The following SEMA6D variants were observed in gnomAD, a reference collection of about 807,000 sequenced individuals.
SEMA6D encodes the protein semaphorin 6D, also known as semaphorin-6D.
A neutral mutation model predicts 106.6 loss-of-function variants in SEMA6D; 35 were observed. The ratio of observed to expected loss-of-function variants is 0.33; its 90% CI spans 0.25 to 0.44. The LOEUF (loss-of-function observed/expected upper bound fraction) is 0.44. Ranked by LOEUF, SEMA6D falls within the 20% of genes least tolerant of loss-of-function variation. The pLI, the probability that SEMA6D is intolerant of heterozygous loss-of-function variation, is 1.00. For synonymous variants in SEMA6D, 499 were observed against 487.7 expected (o/e 1.02, Z -0.31); for missense variants, 1,185 against 1,345.9 (o/e 0.88, Z 1.87).
chr15:47,615,007 A>G (rs2076980652), intron 4 of SEMA6D, among the ~76,000 whole-genome samples: 1 of 152,184 alleles, frequency 6.6e-6, no homozygotes, highest in Admixed American at 6.5e-5. Flanking sequence ...AGGCCCTAGT[A>G]TGTGCCAACC....
chr15:47,513,946 C>T (rs2044309733), intron 3 of SEMA6D, among the ~76,000 whole-genome samples: 1 of 152,212 alleles, frequency 6.6e-6, no homozygotes. Flanking sequence ...GACTCCAAGT[C>T]GTTGACCATT....
At chr15:47,285,491 G>A (rs1465076127) in intron 1 of SEMA6D, among the ~76,000 whole-genome samples, 1 of 151,934 alleles carries the variant, frequency 6.6e-6, no homozygotes, top group Non-Finnish European at 1.5e-5. Flanking sequence ...AAAAAAAAAG[G>A]GAAGGAGAAA....
chr15:47,644,001 C>T (rs897404730), intron 4 of SEMA6D, among the ~76,000 whole-genome samples: 1 of 152,154 alleles, frequency 6.6e-6, no homozygotes, highest in South Asian at 2.1e-4. Context: ...TGAGTGAGAA[C>T]AGCCAATTAA....
At chr15:47,234,426 T>G (rs1056072660) in intron 1 of SEMA6D, among the ~76,000 whole-genome samples, 2 of 152,012 alleles carry the variant, frequency 1.3e-5, no homozygotes, top group African/African-American at 2.4e-5. Context: ...AGCTTGAGAT[T>G]TTAGTATACT....
chr15:47,463,588 T>C lies in SEMA6D; in HGVS notation c.-158-6886T>C, dbSNP rs576618137. On this transcript the variant is annotated intron_variant, in intron 2 of 19. Coordinates refer to the SEMA6D transcript ENST00000558014. Reference sequence around the variant, plus strand: ...TAAGAGTTGTAGAGTGTGTTGATAGTATGTCGGGGGAATCCCCGTGGGGCC... The same window carrying C: ...TAAGAGTTGTAGAGTGTGTTGATAGCATGTCGGGGGAATCCCCGTGGGGCC... Among the ~76,000 whole-genome samples the C allele has an allele frequency of 1.9e-4, 29 of 152,286 alleles. No individual in the cohort carries two copies. The South Asian group carries it at 5.8e-3, about 30-fold the overall frequency.
intron 12 of SEMA6D, 21 bp downstream of exon 12, chr15:47,764,814 C>G (rs201126663): frequency 3.4e-4 from 543 of 1,613,506 alleles, no homozygotes; most frequent in Non-Finnish European, 4.4e-4. Context: ...GTGTGAAACA[C>G]TCCTTCCTAT....
chr15:47,184,431 T>G (rs1473473717), intron 1 of SEMA6D: 1 of 152,320 alleles, frequency 6.6e-6, no homozygotes, highest in Non-Finnish European at 1.5e-5. Flanking sequence ...AAGTCTTCCC[T>G]TTTCTCTCCA....
intron 3 of SEMA6D, among the ~76,000 whole-genome samples, chr15:47,532,757 T>C (rs1361278721): frequency 1.3e-5 from 2 of 152,212 alleles, no homozygotes; most frequent in African/African-American, 2.4e-5. Flanking sequence ...AGATATTGAC[T>C]AAGTATCTCA....
At chr15:47,401,698 G>C (rs1159313982) in intron 1 of SEMA6D, among the ~76,000 whole-genome samples, 1 of 152,142 alleles carries the variant, frequency 6.6e-6, no homozygotes, top group Non-Finnish European at 1.5e-5. Context: ...CTCTGCATAT[G>C]CTGTTCTCAC....
chr15:47,233,128 G>T (rs1024726766), intron 1 of SEMA6D, among the ~76,000 whole-genome samples: 7 of 151,900 alleles, frequency 4.6e-5, no homozygotes, highest in Non-Finnish European at 1.0e-4. Flanking sequence ...ATATATGCTT[G>T]AGTCTGGGGT....
intron 1 of SEMA6D, among the ~76,000 whole-genome samples, chr15:47,404,927 A>G (rs1022986105): frequency 1.2e-4 from 19 of 152,076 alleles, no homozygotes; most frequent in African/African-American, 4.6e-4. Flanking sequence ...TCTAGTGGAG[A>G]GTGCTAAGTG....
chr15:47,541,991 T>G (rs1263667388), intron 3 of SEMA6D, among the ~76,000 whole-genome samples: 1 of 152,070 alleles, frequency 6.6e-6, no homozygotes, highest in Non-Finnish European at 1.5e-5. Flanking sequence ...CACATTTCCT[T>G]AAAAAAACTG....
intron 4 of SEMA6D, among the ~76,000 whole-genome samples, chr15:47,670,601 G>A (rs1445886253): frequency 6.6e-6 from 1 of 152,178 alleles, no homozygotes; most frequent in South Asian, 2.1e-4. Context: ...CCTGTGATGA[G>A]CACAAGAAAA....
At chr15:47,603,709 T>G (rs2076713430) in intron 4 of SEMA6D, among the ~76,000 whole-genome samples, 1 of 151,976 alleles carries the variant, frequency 6.6e-6, no homozygotes, top group Non-Finnish European at 1.5e-5. Flanking sequence ...ATTATTCTTA[T>G]TAAGTCCCCT....
At chr15:47,231,935 A>G (rs1320435840) in intron 1 of SEMA6D, among the ~76,000 whole-genome samples, 1 of 152,048 alleles carries the variant, frequency 6.6e-6, no homozygotes, top group Non-Finnish European at 1.5e-5. Context: ...TTGTGCAAAC[A>G]TCACCACTGT....
At chr15:47,422,045 C>T (rs1328065956) in intron 2 of SEMA6D, among the ~76,000 whole-genome samples, 1 of 151,948 alleles carries the variant, frequency 6.6e-6, no homozygotes, top group Non-Finnish European at 1.5e-5. Flanking sequence ...AAGACCGAAA[C>T]TATTCAGCAA....
rs959445713 is a variant in SEMA6D, at chr15:47,689,876, T to A, written c.-54-69869T>A. 9.2e-5 allele frequency among the ~76,000 whole-genome samples: 14 copies of A among 152,342 alleles called. No homozygotes were observed. The South Asian group carries it at 2.9e-3, about 32-fold the overall frequency. On this transcript the variant is annotated intron_variant, in intron 4 of 19. Transcript: ENST00000558014. ...GGGGCACACAGCTTTTTGGTATGCATAAATGTGCTCATCATCATCTCTTTC... is the reference window on the plus strand; with the variant it reads ...GGGGCACACAGCTTTTTGGTATGCAAAAATGTGCTCATCATCATCTCTTTC...
chr15:47,708,023 A>G (rs182516452), intron 4 of SEMA6D, among the ~76,000 whole-genome samples: 82 of 152,208 alleles, frequency 5.4e-4, no homozygotes, highest in African/African-American at 1.9e-3. Context: ...CCACTTTTCT[A>G]TAGATTCTAC....
At chr15:47,283,034 G>A (rs1404315156) in intron 1 of SEMA6D, among the ~76,000 whole-genome samples, 1 of 152,174 alleles carries the variant, frequency 6.6e-6, no homozygotes, top group South Asian at 2.1e-4. Context: ...ACAGGGGCTA[G>A]CATTTCTAGA....
Sources: gnomAD v4.1 joint callset for allele counts (sites outside exome capture counted in the v4.1 genomes callset) on GRCh38, gnomAD v4.1.1 for gene constraint, MANE v1.5 for transcripts, NCBI Gene and HGNC (gene_info 2026-07-23, HGNC 2026-07-21) for gene names.